Variants in KAZN observed in about 807,000 individuals in gnomAD.
The protein encoded by KAZN is kazrin, periplakin interacting protein.
Under a neutral mutation model 87.4 loss-of-function variants are expected in KAZN, and 40 were observed. The ratio of observed to expected loss-of-function variants is 0.46; its 90% CI spans 0.36 to 0.60. KAZN has a LOEUF of 0.60. Among genes scored for constraint, KAZN ranks in the 20% least tolerant of loss-of-function variants. KAZN has a pLI of 0.00. For synonymous variants in KAZN, 466 were observed against 458.3 expected, an observed-to-expected ratio of 1.02 and a Z score of -0.22; for missense variants, 898 against 1,073.9, an observed-to-expected ratio of 0.84 and a Z score of 2.29.
At chr1:14,836,659 A>G (rs1416378226) in intron 1 of KAZN, among the ~76,000 whole-genome samples, 3 of 151,398 alleles carry the variant, frequency 2.0e-5, no homozygotes, top group Non-Finnish European at 4.4e-5. Flanking sequence ...AGGCTCCCCA[A>G]CTCCCACCTC....
intron 2 of KAZN, among the ~76,000 whole-genome samples, chr1:15,003,974 T>A (rs949270453): frequency 5.3e-5 from 8 of 152,044 alleles, no homozygotes; most frequent in Non-Finnish European, 8.8e-5. Context: ...ATAAAACCGG[T>A]CCTCCTTTGC....
intron 3 of KAZN, among the ~76,000 whole-genome samples, chr1:15,036,318 T>TGCCCGCCC (rs1672299870): frequency 5.5e-4 from 6 of 10,850 alleles, no homozygotes; most frequent in African/African-American, 2.7e-3. Context: ...TCCCTCTGCC[T>TGCCCGCCC]AGCCTGCCCC....
intron 2 of KAZN, among the ~76,000 whole-genome samples, chr1:14,284,118 G>A (rs1227513393): frequency 1.3e-5 from 2 of 151,808 alleles, no homozygotes; most frequent in Admixed American, 1.3e-4. Flanking sequence ...CGGGGCTGGG[G>A]GGAGCAAAGA....
intron 1 of KAZN, among the ~76,000 whole-genome samples, chr1:14,167,495 C>T (rs561886747): frequency 8.6e-4 from 131 of 152,172 alleles, no homozygotes; most frequent in African/African-American, 2.6e-3. Context: ...GGACGAGGCA[C>T]GTGGATCACC....
intron 1 of KAZN, among the ~76,000 whole-genome samples, chr1:14,007,826 A>C: frequency 6.6e-6 from 1 of 152,146 alleles, no homozygotes; most frequent in East Asian, 1.9e-4. Flanking sequence ...TCCGATAATG[A>C]TTTTTAACTC....
intron 2 of KAZN, among the ~76,000 whole-genome samples, chr1:14,964,666 C>G (rs1330996914): frequency 6.6e-6 from 1 of 152,206 alleles, no homozygotes; most frequent in Non-Finnish European, 1.5e-5. Context: ...GCCGAGCAAG[C>G]AGCAGATGTT....
chr1:13,968,546 A>T (rs1399377769), intron 1 of KAZN, among the ~76,000 whole-genome samples: 1 of 152,022 alleles, frequency 6.6e-6, no homozygotes, highest in Non-Finnish European at 1.5e-5. Context: ...CTTCCTATCT[A>T]CTTCCGCATT....
At chr1:14,266,967 A>G (rs1651527135) in intron 2 of KAZN, among the ~76,000 whole-genome samples, 1 of 151,598 alleles carries the variant, frequency 6.6e-6, no homozygotes, top group African/African-American at 2.4e-5. Context: ...TACTTTTGCC[A>G]TGTTGGTGTG....
chr1:14,527,302 G>A (rs1406860147), intron 2 of KAZN, among the ~76,000 whole-genome samples: 1 of 152,214 alleles, frequency 6.6e-6, no homozygotes, highest in African/African-American at 2.4e-5. Flanking sequence ...TGTAATCCCA[G>A]CACTTTGGGA....
At chr1:14,514,629 A>T in intron 2 of KAZN, among the ~76,000 whole-genome samples, 1 of 49,196 alleles carries the variant, frequency 2.0e-5, no homozygotes, top group Non-Finnish European at 4.1e-5. Flanking sequence ...ATATATATAT[A>T]TATATATATA....
In KAZN at chr1:15,112,554, A is replaced by G. The variant is rs199644934; in HGVS notation, c.2163+13A>G. The G allele has an allele frequency of 8.2e-5, 94 of 1,142,356 alleles. No individual in the cohort carries two copies. The highest frequency in any genetic ancestry group is 2.1e-4 in the Middle Eastern group (1 of 4,704). 70.8% of individuals were successfully genotyped at this position (1,142,356 alleles called of 1,614,324 possible). ...CAAGGCTGGCCGGGTAAGTCTCTCAATGGATTTACCTGTGAGTCCTGCAGA... is the reference window on the plus strand; with the variant it reads ...CAAGGCTGGCCGGGTAAGTCTCTCAGTGGATTTACCTGTGAGTCCTGCAGA... On this transcript the variant is annotated intron_variant, in intron 14 of 14. Transcript: ENST00000376030.
At chr1:14,904,717 C>G (rs1656316670) in intron 1 of KAZN, among the ~76,000 whole-genome samples, 1 of 152,236 alleles carries the variant, frequency 6.6e-6, no homozygotes. Context: ...AAAGCCTGCT[C>G]TTCTCTGTGG....
chr1:14,554,943 C>T (rs1200211135), intron 2 of KAZN, among the ~76,000 whole-genome samples: 1 of 152,208 alleles, frequency 6.6e-6, no homozygotes, highest in Non-Finnish European at 1.5e-5. Context: ...GACCAGTGCC[C>T]CCACAACCAT....
intron 2 of KAZN, among the ~76,000 whole-genome samples, chr1:15,013,559 GC>G: frequency 1.3e-5 from 2 of 152,150 alleles, no homozygotes; most frequent in East Asian, 3.9e-4. Context: ...TTCATGACCA[GC>G]CTGGCCAACA....
intron 2 of KAZN, among the ~76,000 whole-genome samples, chr1:14,550,730 T>A (rs1449498372): frequency 2.4e-5 from 2 of 84,412 alleles, no homozygotes; most frequent in Admixed American, 1.1e-4. Context: ...TCTCTCTCTC[T>A]CTCTCTCTCC....
At chr1:14,612,598 C>T (rs1181778869) in intron 1 of KAZN, among the ~76,000 whole-genome samples, 1 of 152,130 alleles carries the variant, frequency 6.6e-6, no homozygotes, top group African/African-American at 2.4e-5. Flanking sequence ...CCGATAACAC[C>T]TCTGTGGTAG....
intron 1 of KAZN, among the ~76,000 whole-genome samples, chr1:14,931,368 CAGG>C (rs1410712139): frequency 6.6e-6 from 1 of 152,040 alleles, no homozygotes; most frequent in Middle Eastern, 3.2e-3. Flanking sequence ...TGATTGAATC[CAGG>C]AGAAGAGGCA....
At chr1:14,585,249 T>C (rs763441739) in intron 2 of KAZN, among the ~76,000 whole-genome samples, 5 of 152,168 alleles carry the variant, frequency 3.3e-5, no homozygotes, top group African/African-American at 7.2e-5. Context: ...AGCAAAGTAC[T>C]ACAGGCAGGA....
At chr1:14,662,463 G>A (rs1003248138) in intron 1 of KAZN, among the ~76,000 whole-genome samples, 3 of 152,272 alleles carry the variant, frequency 2.0e-5, no homozygotes, top group East Asian at 3.9e-4. Context: ...ACAGGAGGCC[G>A]ATGTTAGGCT....
Sources: allele counts gnomAD v4.1 joint callset (sites outside exome capture counted in the v4.1 genomes callset), GRCh38; gene constraint gnomAD v4.1.1; transcripts MANE v1.5; gene names NCBI Gene and HGNC (gene_info 2026-07-23, HGNC 2026-07-21).